The following CACNA2D3 variants were observed in gnomAD, a reference collection of about 807,000 sequenced individuals.
The protein encoded by CACNA2D3 is calcium voltage-gated channel auxiliary subunit alpha2delta 3.
CACNA2D3 carries 60 observed loss-of-function variants against 160.6 expected under a neutral mutation model. That is an observed-to-expected ratio of 0.37 (90% CI 0.30 to 0.46). The LOEUF (loss-of-function observed/expected upper bound fraction) is 0.46. CACNA2D3 is among the 20% of genes least tolerant of loss of function. The pLI is 1.00. For missense variants in CACNA2D3, 1,205 were observed against 1,365.0 expected (o/e 0.88, Z 1.85); for synonymous variants, 558 against 492.9 (o/e 1.13, Z -1.75).
intron 4 of CACNA2D3, among the ~76,000 whole-genome samples, chr3:54,428,417 A>G (rs1699940229): frequency 6.6e-6 from 1 of 152,184 alleles, no homozygotes; most frequent in Non-Finnish European, 1.5e-5. Flanking sequence ...GGGGGCCGAG[A>G]TCTGATTTGA....
chr3:54,910,377 GT>G (rs1223087506), intron 27 of CACNA2D3, among the ~76,000 whole-genome samples: 1 of 152,090 alleles, frequency 6.6e-6, no homozygotes, highest in Admixed American at 6.5e-5. Flanking sequence ...CTGCCTTGCT[GT>G]TTTCCATTTT....
intron 13 of CACNA2D3, among the ~76,000 whole-genome samples, chr3:54,815,075 T>A (rs991836911): frequency 1.3e-5 from 2 of 152,254 alleles, no homozygotes; most frequent in Admixed American, 6.5e-5. Flanking sequence ...GAAGCTTTTT[T>A]AAAAGTGATT....
chr3:54,208,268 G>A (rs1414388659), intron 2 of CACNA2D3, among the ~76,000 whole-genome samples: 1 of 152,096 alleles, frequency 6.6e-6, no homozygotes. Context: ...ACCATGCCTG[G>A]CTAATTTTTT....
At chr3:54,715,023 C>G (rs943502702) in intron 11 of CACNA2D3, among the ~76,000 whole-genome samples, 1 of 152,158 alleles carries the variant, frequency 6.6e-6, no homozygotes, top group Non-Finnish European at 1.5e-5. Flanking sequence ...GCTGGGTTTC[C>G]TCTAAATCAA....
chr3:54,643,918 G>T lies in CACNA2D3; in HGVS notation c.1167+1677G>T, dbSNP rs553014736. Among the ~76,000 whole-genome samples, 4 of 152,294 alleles carry T rather than the reference G, an allele frequency of 2.6e-5. No homozygotes were observed. The South Asian group carries it at 8.3e-4, about 32-fold the overall frequency. ...ATGTCATGACATCTCAAATGATGGT[G>T]AAGGATATTTTGCATTATTTAGAGC... On this transcript the variant is annotated intron_variant, in intron 11 of 37. Coordinates refer to ENST00000474759, the MANE Select transcript of CACNA2D3 (RefSeq NM_018398.3).
At position 54,752,994 on chromosome 3, in the gene CACNA2D3, G is replaced by A. The variant is rs935957248; in HGVS notation, c.1246+317G>A. On this transcript the variant is annotated intron_variant, in intron 12 of 37. Coordinates refer to ENST00000474759, the MANE Select transcript of CACNA2D3 (RefSeq NM_018398.3). Reference sequence around the variant, plus strand: ...TTGTGCCTCAGCCTCCCGAGTAGCTGAGATTACAGGTGTGCACCACAATAC... The same window carrying A: ...TTGTGCCTCAGCCTCCCGAGTAGCTAAGATTACAGGTGTGCACCACAATAC... 3.2e-4 allele frequency among the ~76,000 whole-genome samples: 49 copies of A among 152,112 alleles called. 1 individual carries two copies. The highest frequency in any genetic ancestry group is 1.2e-3 in the African/African-American group (49 of 41,492).
At chr3:54,772,584 G>T (rs183518150) in intron 13 of CACNA2D3, among the ~76,000 whole-genome samples, 3 of 152,098 alleles carry the variant, frequency 2.0e-5, no homozygotes. Flanking sequence ...CTGCTTGGCT[G>T]TTCTGTTCAA....
chr3:54,461,634 GT>G, intron 4 of CACNA2D3, among the ~76,000 whole-genome samples: 1 of 151,604 alleles, frequency 6.6e-6, no homozygotes. Context: ...CCCCTTTATC[GT>G]TTTTTATTGC....
In CACNA2D3 at chr3:55,038,296, C is replaced by A. The variant is rs186020399; in HGVS notation, c.2987+19979C>A. 5.3e-5 allele frequency among the ~76,000 whole-genome samples: 8 copies of A among 152,264 alleles called. No individual in the cohort carries two copies. In the East Asian group the frequency reaches 1.5e-3, roughly 29 times the overall value. On this transcript the variant is annotated intron_variant, in intron 35 of 37. Coordinates refer to ENST00000474759, the MANE Select transcript of CACNA2D3 (RefSeq NM_018398.3). ...GGTGAACATAGCAGTTAGCATATTT[C>A]ATCCTACAATTTTCACGCAGGAGAC...
intron 31 of CACNA2D3, among the ~76,000 whole-genome samples, chr3:54,996,296 G>A (rs1353201050): frequency 2.0e-5 from 3 of 152,158 alleles, no homozygotes; most frequent in Non-Finnish European, 4.4e-5. Flanking sequence ...TTCCTTCTAA[G>A]GAGACAAAAG....
chr3:54,555,726 A>T (rs1702232859), intron 5 of CACNA2D3, among the ~76,000 whole-genome samples: 1 of 152,232 alleles, frequency 6.6e-6, no homozygotes, highest in Admixed American at 6.5e-5. Flanking sequence ...AGGAAACAGA[A>T]CTGCTATTCC....
At chr3:54,924,604 A>T in intron 27 of CACNA2D3, 1 of 1,596,542 alleles carries the variant, frequency 6.3e-7, no homozygotes. Context: ...GGGGTTCCAA[A>T]TAGACATGAC....
chr3:54,966,843 C>T (rs2048808), intron 27 of CACNA2D3: 16,637 of 151,784 alleles, frequency 0.11, 1,231 homozygotes, highest in African/African-American at 0.21. Context: ...ACAAACGATT[C>T]GCATAGGTGT....
In CACNA2D3 at chr3:54,338,686, C is replaced by G. The variant is rs146423381; in HGVS notation, c.321+18128C>G. 2.5e-4 allele frequency among the ~76,000 whole-genome samples: 38 copies of G among 152,230 alleles called. No homozygotes were observed. In the East Asian group the frequency reaches 7.0e-3, roughly 28 times the overall value. ...TGAAGAAAATGGTCTGTGGGACCTCCTGGATCCAGGTTCAAGTCCTGACTC... is the reference window on the plus strand; with the variant it reads ...TGAAGAAAATGGTCTGTGGGACCTCGTGGATCCAGGTTCAAGTCCTGACTC... On this transcript the variant is annotated intron_variant, in intron 3 of 37. Coordinates refer to ENST00000474759, the MANE Select transcript of CACNA2D3 (RefSeq NM_018398.3).
chr3:54,280,011 T>C (rs562573546), intron 2 of CACNA2D3, among the ~76,000 whole-genome samples: 191 of 152,340 alleles, frequency 1.3e-3, no homozygotes, highest in Non-Finnish European at 2.3e-3. Context: ...AGTGATTTCT[T>C]TGATACAACT....
chr3:55,063,434 A>G (rs1345909056), intron 35 of CACNA2D3, among the ~76,000 whole-genome samples: 1 of 152,196 alleles, frequency 6.6e-6, no homozygotes, highest in Non-Finnish European at 1.5e-5. Context: ...AAGGATTCCA[A>G]TATAATTTAT....
At chr3:55,062,352 G>A (rs552947940) in intron 35 of CACNA2D3, among the ~76,000 whole-genome samples, 3 of 150,728 alleles carry the variant, frequency 2.0e-5, no homozygotes, top group South Asian at 4.2e-4. Context: ...GGGGTTAAGC[G>A]ACCCTCCTTC....
At chr3:54,330,623 G>C (rs1415904238) in intron 3 of CACNA2D3, among the ~76,000 whole-genome samples, 1 of 152,166 alleles carries the variant, frequency 6.6e-6, no homozygotes, top group Non-Finnish European at 1.5e-5. Flanking sequence ...CTTTTAACCA[G>C]CCATGAATAC....
At position 55,051,767 on chromosome 3, in the gene CACNA2D3, C is replaced by T. The variant is rs375999699; in HGVS notation, c.2988-21678C>T. Among the ~76,000 whole-genome samples, 1,411 of 152,212 alleles carry T rather than the reference C, an allele frequency of 9.3e-3. 21 individuals are homozygous for T. Among genetic ancestry groups the T allele is most frequent in the African/African-American group, 0.032 (1,314 of 41,522 alleles). ...CTAGCAATTAGCGAGACTCCGTGGG[C>T]GTAGGACCCTCCGAGCCAGGTGTGG... On this transcript the variant is annotated intron_variant, in intron 35 of 37. Transcript: ENST00000474759.
Sources: gnomAD v4.1 joint callset for allele counts (sites outside exome capture counted in the v4.1 genomes callset) on GRCh38, gnomAD v4.1.1 for gene constraint, MANE v1.5 for transcripts, NCBI Gene and HGNC (gene_info 2026-07-23, HGNC 2026-07-21) for gene names.